RIC3: variants seen among roughly 807,000 people sequenced by gnomAD.
RIC3 encodes the protein RIC3 acetylcholine receptor chaperone.
In RIC3, 28 loss-of-function variants were observed where a neutral mutation model predicts 27.3. The ratio of observed to expected loss-of-function variants is 1.02; its 90% CI spans 0.76 to 1.41. RIC3 has a LOEUF of 1.41. Among genes scored for constraint, RIC3 ranks in the 40% most tolerant of loss-of-function variants. The pLI is 0.00. For missense variants in RIC3, 501 were observed against 444.7 expected (o/e 1.13, Z -1.14); for synonymous variants, 184 against 160.4 (o/e 1.15, Z -1.11).
chr11:8,096,559 G>C, the RIC3 span: 2 of 717,934 alleles, frequency 2.8e-6, no homozygotes, highest in East Asian at 2.5e-5. Context: ...ATGGCTAAGA[G>C]TGTGTGCATA....
Position 8,107,304 on chromosome 11 carries a change from G to A in RIC3, c.*3394C>T, listed in dbSNP as rs1197660376. 1 of 152,310 alleles carries A rather than the reference G, an allele frequency of 6.6e-6. No homozygotes were observed. The highest frequency in any genetic ancestry group is 2.4e-5 in the African/African-American group (1 of 41,588). 9.4% of individuals were successfully genotyped at this position (152,310 alleles called of 1,614,324 possible). ...GGGTTTGTTTATTCCCCCAGATCTAGAGTTCTGATGTGACCAAGAGCATTT... is the reference window on the plus strand; with the variant it reads ...GGGTTTGTTTATTCCCCCAGATCTAAAGTTCTGATGTGACCAAGAGCATTT... On this transcript the variant is annotated 3_prime_UTR_variant, in exon 6 of 6. Coordinates refer to ENST00000309737, the MANE Select transcript of RIC3 (RefSeq NM_001206671.4).
At position 8,108,101 on chromosome 11, in the gene RIC3, A is replaced by T. The variant is rs1490666837; in HGVS notation, c.*2597T>A. On this transcript the variant is annotated 3_prime_UTR_variant, in exon 6 of 6. Transcript: ENST00000309737. ...ATACACAAATATATTCCTTATATAT[A>T]AACCAACCAAGAGCTAGGGCAGGAA... The T allele has an allele frequency of 6.6e-6, 1 of 152,242 alleles. No homozygotes were observed. Among genetic ancestry groups the T allele is most frequent in the Non-Finnish European group, 1.5e-5 (1 of 68,042 alleles). 9.4% of individuals were successfully genotyped at this position (152,242 alleles called of 1,614,324 possible). A position where few individuals can be genotyped will look rare whatever the true frequency, so the allele number is the denominator to read the frequency against.
rs1260914213 is a variant in RIC3 at position 8,110,947 on chromosome 11, G to A, written c.861C>T (p.Ala287=). Residue 287 remains alanine, a synonymous_variant, in exon 6 of 6, where the codon GCC becomes GCT. Transcript: ENST00000309737. ...GWESLPTDPR[A]QEDNSVTSCD... The stretch of plus-strand genomic sequence containing the variant: ...ACGAGGTAACAGAATTATCTTCCTG[G>A]GCTCTGGGGTCAGTGGGCAGACTTT... The A allele has an allele frequency of 1.2e-6, 2 of 1,614,116 alleles. No individual in the cohort carries two copies. Among genetic ancestry groups the A allele is most frequent in the Middle Eastern group, 1.6e-4 (1 of 6,062 alleles).
the RIC3 span, chr11:8,095,478 G>T: frequency 6.3e-7 from 1 of 1,597,940 alleles, no homozygotes; most frequent in Non-Finnish European, 8.6e-7. Context: ...ATGTAACTCA[G>T]GCGTGTCCGT....
intron 4 of RIC3, among the ~76,000 whole-genome samples, chr11:8,130,242 G>A: frequency 6.6e-6 from 1 of 151,516 alleles, no homozygotes; most frequent in Non-Finnish European, 1.5e-5. Flanking sequence ...TTGACTGCAG[G>A]GATTGATTCA....
chr11:8,131,719 G>C (rs768694144), intron 4 of RIC3, among the ~76,000 whole-genome samples: 13 of 151,798 alleles, frequency 8.6e-5, no homozygotes, highest in Non-Finnish European at 1.5e-4. Context: ...TGGCCAACAT[G>C]GTGAAACCTT....
At chr11:8,112,269 ATTTTC>A (rs554268072) in intron 5 of RIC3, among the ~76,000 whole-genome samples, 11,228 of 148,232 alleles carry the variant, frequency 0.076, 580 homozygotes, top group African/African-American at 0.16. Flanking sequence ...ATACACATAT[ATTTTC>A]TTTTCTTTTC....
intron 1 of RIC3, among the ~76,000 whole-genome samples, chr11:8,140,678 C>G (rs1013249054): frequency 1.9e-4 from 29 of 152,164 alleles, no homozygotes; most frequent in Admixed American, 7.2e-4. Context: ...ACTGCTGCCA[C>G]CTCACTAACT....
At chr11:8,093,811 G>C in the RIC3 span, among the ~76,000 whole-genome samples, 9 of 152,186 alleles carry the variant, frequency 5.9e-5, no homozygotes, top group Admixed American at 6.5e-5. Flanking sequence ...TCTGGCTGTT[G>C]ACTTGATTAC....
At chr11:8,149,237 AC>A (rs1157758027) in intron 1 of RIC3, among the ~76,000 whole-genome samples, 7 of 151,550 alleles carry the variant, frequency 4.6e-5, no homozygotes, top group Non-Finnish European at 1.0e-4. Context: ...AATAAAAAAA[AC>A]AGGAGGCAAA....
Position 8,106,548 on chromosome 11 carries a change from C to T in RIC3, c.*4150G>A, listed in dbSNP as rs1005329116. 6.6e-6 allele frequency: 1 copy of T among 152,284 alleles called. No individual in the cohort carries two copies. Among genetic ancestry groups the T allele is most frequent in the African/African-American group, 2.4e-5 (1 of 41,458 alleles). The allele number at this position is 152,284 out of a possible 1,614,324, so 9.4% of individuals were successfully genotyped here. A position where few individuals can be genotyped will look rare whatever the true frequency, so the allele number is the denominator to read the frequency against. On this transcript the variant is annotated 3_prime_UTR_variant, in exon 6 of 6. Coordinates refer to ENST00000309737, the MANE Select transcript of RIC3 (RefSeq NM_001206671.4). Reference sequence around the variant, plus strand: ...CCGCCTGAAGGGGCTGGTGGTTCCTCAGTATCCCCTGTGGGCCTGGCCTTA... The same window carrying T: ...CCGCCTGAAGGGGCTGGTGGTTCCTTAGTATCCCCTGTGGGCCTGGCCTTA...
intron 4 of RIC3, among the ~76,000 whole-genome samples, chr11:8,134,071 G>A (rs1433777266): frequency 4.6e-5 from 7 of 151,538 alleles, no homozygotes; most frequent in South Asian, 4.2e-4. Flanking sequence ...ACGTATACAC[G>A]TGCCATGTTG....
In RIC3 at chr11:8,106,237, T is replaced by TTCAACACTTCTGTGTACTTTTTTCA. The variant is rs1199799599; in HGVS notation, c.*4436_*4460dup. 1 of 152,212 alleles carries TTCAACACTTCTGTGTACTTTTTTCA rather than the reference T, an allele frequency of 6.6e-6. No individual in the cohort carries two copies. The highest frequency in any genetic ancestry group is 1.5e-5 in the Non-Finnish European group (1 of 68,036). The allele number at this position is 152,212 out of a possible 1,614,324, so 9.4% of individuals were successfully genotyped here. On this transcript the variant is annotated 3_prime_UTR_variant, in exon 6 of 6. Coordinates refer to ENST00000309737, the MANE Select transcript of RIC3 (RefSeq NM_001206671.4). ...TATCAACAAATTAAACTTGAATCGT[T>TTCAACACTTCTGTGTACTTTTTTCA]TCAACACTTCTGTGTACTTTTTTCA...
At chr11:8,112,569 A>C (rs764086099) in intron 5 of RIC3, among the ~76,000 whole-genome samples, 13 of 152,190 alleles carry the variant, frequency 8.5e-5, no homozygotes, top group Non-Finnish European at 1.5e-4. Flanking sequence ...TGTTGGGATT[A>C]CAGGCATGAG....
chr11:8,095,782 G>A, the RIC3 span: 17 of 1,159,416 alleles, frequency 1.5e-5, no homozygotes, highest in Non-Finnish European at 2.1e-5. Flanking sequence ...AATGGTGGGT[G>A]AGGGTGGGGC....
chr11:8,156,103 T>C (rs1329347403), intron 1 of RIC3, among the ~76,000 whole-genome samples: 1 of 151,852 alleles, frequency 6.6e-6, no homozygotes, highest in African/African-American at 2.4e-5. Flanking sequence ...TGTGTCTAAG[T>C]TGCTTAGCAC....
At chr11:8,152,207 A>T (rs1950303753) in intron 1 of RIC3, among the ~76,000 whole-genome samples, 1 of 152,190 alleles carries the variant, frequency 6.6e-6, no homozygotes, top group South Asian at 2.1e-4. Context: ...AAAAGGTTAA[A>T]CATAGAGGAC....
the RIC3 span, chr11:8,094,179 A>G: frequency 1.4e-5 from 22 of 1,612,632 alleles, 1 homozygote; most frequent in South Asian, 2.2e-4. Context: ...AGAAGAAGGG[A>G]AAGCACAAAG....
chr11:8,099,601 T>C, the RIC3 span, among the ~76,000 whole-genome samples: 4 of 152,274 alleles, frequency 2.6e-5, no homozygotes, highest in South Asian at 8.3e-4. Context: ...CAGACATAAA[T>C]GTATACCTTT....
Sources: allele counts gnomAD v4.1 joint callset (sites outside exome capture counted in the v4.1 genomes callset), GRCh38; gene constraint gnomAD v4.1.1; transcripts MANE v1.5; gene names NCBI Gene and HGNC (gene_info 2026-07-23, HGNC 2026-07-21).